Variants in EGF observed in about 807,000 individuals in gnomAD.
EGF encodes epidermal growth factor, also known as pro-epidermal growth factor.
A neutral mutation model predicts 143.8 loss-of-function variants in EGF; 95 were observed. The ratio of observed to expected loss-of-function variants is 0.66; its 90% CI spans 0.56 to 0.78. The LOEUF (loss-of-function observed/expected upper bound fraction) is 0.78, where lower values mean the gene tolerates loss of function less well. EGF is among the 30% of genes least tolerant of loss of function. The pLI, the probability that EGF is intolerant of heterozygous loss-of-function variation, is 0.00. For synonymous variants in EGF, 510 were observed against 510.5 expected (o/e 1.00, Z 0.01); for missense variants, 1,320 against 1,470.9 (o/e 0.90, Z 1.68).
At chr4:109,979,552 T>A (rs1045199384) in intron 13 of EGF, among the ~76,000 whole-genome samples, 16 of 152,184 alleles carry the variant, frequency 1.1e-4, no homozygotes, top group Admixed American at 5.9e-4. Flanking sequence ...GTGAATTTGA[T>A]CTACCCCTTA....
In EGF at chr4:109,964,385, G is replaced by C. The variant is rs1746203005; in HGVS notation, c.1439-16G>C. 1 of 1,613,616 alleles carries C rather than the reference G, an allele frequency of 6.2e-7. No homozygotes were observed. Among genetic ancestry groups the C allele is most frequent in the South Asian group, 1.1e-5 (1 of 91,072 alleles). ...GCACGTTTTAAATTCAGCCATATTT[G>C]AAATTTGGTTAACAGGACCACAACC... is the stretch of plus-strand genomic sequence containing the variant. On this transcript the variant is annotated splice_polypyrimidine_tract_variant and intron_variant, in intron 9 of 23. Coordinates refer to ENST00000265171, the MANE Select transcript of EGF (RefSeq NM_001963.6).
intron 5 of EGF, among the ~76,000 whole-genome samples, chr4:109,946,543 C>T (rs1397973188): frequency 6.6e-6 from 1 of 152,152 alleles, no homozygotes; most frequent in East Asian, 1.9e-4. Flanking sequence ...GGCCCCTTCA[C>T]CTCTTACTTT....
At chr4:109,973,782 C>G (rs1025985049) in intron 11 of EGF, among the ~76,000 whole-genome samples, 38 of 152,074 alleles carry the variant, frequency 2.5e-4, no homozygotes, top group African/African-American at 8.5e-4. Context: ...TTAGACCAAT[C>G]CCTGACACAC....
intron 5 of EGF, among the ~76,000 whole-genome samples, chr4:109,948,180 G>A (rs578012257): frequency 5.3e-5 from 8 of 152,350 alleles, no homozygotes; most frequent in African/African-American, 1.7e-4. Flanking sequence ...CAGCTGCAGA[G>A]CCACAGACAA....
At chr4:109,994,516 T>G (rs1156652989) in intron 19 of EGF, among the ~76,000 whole-genome samples, 2 of 152,238 alleles carry the variant, frequency 1.3e-5, no homozygotes, top group Non-Finnish European at 2.9e-5. Flanking sequence ...ATATGCTTTA[T>G]GTATCAGATA....
At chr4:109,945,689 G>A (rs1344136632) in intron 5 of EGF, among the ~76,000 whole-genome samples, 3 of 152,212 alleles carry the variant, frequency 2.0e-5, no homozygotes, top group African/African-American at 7.2e-5. Flanking sequence ...GGCTTTAAAT[G>A]CCAGTTTATA....
chr4:109,961,085 C>A, intron 7 of EGF, 96 bp downstream of exon 7: 1 of 1,356,322 alleles, frequency 7.4e-7, no homozygotes, highest in Non-Finnish European at 1.0e-6. Flanking sequence ...CTTCAATCAG[C>A]AGTGTGCATC....
intron 21 of EGF, among the ~76,000 whole-genome samples, chr4:110,000,334 T>C (rs1752414163): frequency 6.6e-6 from 1 of 152,130 alleles, no homozygotes; most frequent in Admixed American, 6.5e-5. Flanking sequence ...ACATCAGTGC[T>C]TTTACGTTTT....
intron 1 of EGF, among the ~76,000 whole-genome samples, chr4:109,928,784 T>A (rs1254871393): frequency 2.0e-5 from 3 of 152,174 alleles, no homozygotes; most frequent in African/African-American, 7.2e-5. Flanking sequence ...AATCTTAAGA[T>A]CTTTCTTTTA....
chr4:109,972,241 C>T (rs1330560270), intron 11 of EGF, among the ~76,000 whole-genome samples: 2 of 152,170 alleles, frequency 1.3e-5, no homozygotes, highest in South Asian at 2.1e-4. Flanking sequence ...TTTGGTTTCT[C>T]ACTACCAACA....
At chr4:109,967,465 AC>A (rs1162344275) in intron 10 of EGF, among the ~76,000 whole-genome samples, 1 of 152,140 alleles carries the variant, frequency 6.6e-6, no homozygotes, top group Non-Finnish European at 1.5e-5. Context: ...AAAGTCAGGT[AC>A]TATGGTGCCT....
At chr4:109,946,898 C>T (rs923647159) in intron 5 of EGF, among the ~76,000 whole-genome samples, 1 of 152,060 alleles carries the variant, frequency 6.6e-6, no homozygotes, top group East Asian at 1.9e-4. Flanking sequence ...GTAGATAGAT[C>T]CCTTGAGGTC....
At chr4:109,950,039 CT>C (rs1743588740) in intron 5 of EGF, among the ~76,000 whole-genome samples, 2 of 152,260 alleles carry the variant, frequency 1.3e-5, no homozygotes, top group Admixed American at 6.5e-5. Flanking sequence ...TCTTCTGGGC[CT>C]TGCTTGCTTG....
rs145706760 is a variant in EGF, at chr4:109,959,349, C to T, written c.978C>T (p.Ser326=). Residue 326 remains serine, a synonymous_variant, in exon 6 of 24, where the codon AGC becomes AGT. Transcript: ENST00000265171. ...GCAAATTGAGGAAAGGAAACTGCAG[C>T]AGCACTGTGTGTGGGCAAGACCTCC... The part of the protein sequence containing the change: ...KLCKLRKGNC[S]STVCGQDLQS... 7.1e-5 allele frequency: 115 copies of T among 1,613,660 alleles called. 1 individual carries two copies. In the African/African-American group the frequency reaches 1.4e-3, roughly 19 times the overall value.
Position 109,964,413 on chromosome 4 carries a change from T to G in EGF, c.1451T>G (p.Phe484Cys). ...KSCAASGPQPFLLFANSQDIR... is the reference protein window; with the variant it reads ...KSCAASGPQPCLLFANSQDIR... Reference sequence around the variant, plus strand: ...ATTTGGTTAACAGGACCACAACCATTTTTGCTGTTTGCCAATTCTCAAGAT... The same window carrying G: ...ATTTGGTTAACAGGACCACAACCATGTTTGCTGTTTGCCAATTCTCAAGAT... The change falls in exon 10 of 24, where the codon TTT becomes TGT. Residue 484 changes from phenylalanine to cysteine, a missense_variant. Physicochemically the swap from Phe to Cys is radical, Grantham distance 205 (BLOSUM62 -2). This residue lies in a region of EGF where 1,186 missense variants were observed against 1,313.7 expected (regional missense o/e 0.90). Transcript: ENST00000265171. The G allele has an allele frequency of 6.2e-7, 1 of 1,613,912 alleles. No individual in the cohort carries two copies. The highest frequency in any genetic ancestry group is 8.5e-7 in the Non-Finnish European group (1 of 1,179,834).
intron 5 of EGF, among the ~76,000 whole-genome samples, chr4:109,948,273 C>A (rs1296131775): frequency 6.6e-6 from 1 of 152,200 alleles, no homozygotes; most frequent in Admixed American, 6.5e-5. Flanking sequence ...ACTCCACAGG[C>A]AAAGGACTTT....
intron 10 of EGF, among the ~76,000 whole-genome samples, chr4:109,967,485 A>C (rs1746789936): frequency 6.6e-6 from 1 of 151,838 alleles, no homozygotes; most frequent in Non-Finnish European, 1.5e-5. Flanking sequence ...CTTCAGCTTT[A>C]TTTCTTTTTG....
At position 109,999,659 on chromosome 4, in the gene EGF, C is replaced by G. The variant is rs1235333238; in HGVS notation, c.3006-20C>G. The G allele has an allele frequency of 9.3e-6, 15 of 1,614,192 alleles. No individual in the cohort carries two copies. Among genetic ancestry groups the G allele is most frequent in the Non-Finnish European group, 1.3e-5 (15 of 1,180,036 alleles). Reference sequence around the variant, plus strand: ...TTTGGCCAGGCATCTCTGATGACCTCTGTTTGTGTGTTGTCACAGCTGTGT... The same window carrying G: ...TTTGGCCAGGCATCTCTGATGACCTGTGTTTGTGTGTTGTCACAGCTGTGT... On this transcript the variant is annotated intron_variant, in intron 20 of 23. Transcript: ENST00000265171.
rs943601944 is a variant in EGF at position 110,011,765 on chromosome 4, G to C, written c.*310G>C. Reference sequence around the variant, plus strand: ...TCAATACAAATAGATTTTTGTTTTTGTTGTTCCTGCAGCCCCAGAAGAAAT... The same window carrying C: ...TCAATACAAATAGATTTTTGTTTTTCTTGTTCCTGCAGCCCCAGAAGAAAT... On this transcript the variant is annotated 3_prime_UTR_variant, in exon 24 of 24. Coordinates refer to ENST00000265171, the MANE Select transcript of EGF (RefSeq NM_001963.6). 1 of 391,654 alleles carries C rather than the reference G, an allele frequency of 2.6e-6. No individual in the cohort carries two copies. The highest frequency in any genetic ancestry group is 4.7e-6 in the Non-Finnish European group (1 of 210,856). The allele number at this position is 391,654 out of a possible 1,614,324, so 24.3% of individuals were successfully genotyped here.
Sources: allele counts gnomAD v4.1 joint callset (sites outside exome capture counted in the v4.1 genomes callset), GRCh38; gene constraint gnomAD v4.1.1; regional missense constraint gnomAD v4.1.1; transcripts MANE v1.5; gene names NCBI Gene and HGNC (gene_info 2026-07-23, HGNC 2026-07-21).